Variants in WNK2 observed in about 807,000 individuals in gnomAD.
The protein encoded by WNK2 is serine/threonine-protein kinase WNK2.
A neutral mutation model predicts 192.1 loss-of-function variants in WNK2; 67 were observed. The ratio of observed to expected loss-of-function variants is 0.35; its 90% CI spans 0.29 to 0.43. The LOEUF (loss-of-function observed/expected upper bound fraction) is 0.43, where lower values mean the gene tolerates loss of function less well. Ranked by LOEUF, WNK2 falls within the 20% of genes least tolerant of loss-of-function variation. WNK2 has a pLI of 1.00. For missense variants in WNK2, 2,698 were observed against 3,089.7 expected, an observed-to-expected ratio of 0.87 and a Z score of 3.01; for synonymous variants, 1,439 against 1,393.9, an observed-to-expected ratio of 1.03 and a Z score of -0.72.
chr9:93,317,771 C>T lies in WNK2; in HGVS notation c.6628+140C>T, dbSNP rs1473919174. The stretch of plus-strand genomic sequence containing the variant: ...TGGGGGCACAGGGCAGCTGGAACAC[C>T]CCCCAGGTGCCCGTGCTGCCAGTCT... On this transcript the variant is annotated intron_variant, in intron 29 of 29. Coordinates refer to ENST00000427277, the MANE Select transcript of WNK2 (RefSeq NM_006648.4). 5.5e-6 allele frequency: 8 copies of T among 1,462,740 alleles called. No homozygotes were observed. The South Asian group carries it at 7.8e-5, about 14-fold the overall frequency. The allele number at this position is 1,462,740 out of a possible 1,614,324, so 90.6% of individuals were successfully genotyped here.
intron 4 of WNK2, 46 bp from the exon 5 acceptor site, chr9:93,234,762 G>T: frequency 1.1e-5 from 18 of 1,587,972 alleles, no homozygotes; most frequent in Non-Finnish European, 1.5e-5. Flanking sequence ...AGCTCTTCCT[G>T]GGCCCGTGGC....
At position 93,257,269 on chromosome 9, in the gene WNK2, G is replaced by A; in HGVS notation, c.2382+130G>A. 9.8e-7 allele frequency: 1 copy of A among 1,018,250 alleles called. No individual in the cohort carries two copies. The highest frequency in any genetic ancestry group is 1.4e-6 in the Non-Finnish European group (1 of 711,400). The allele number at this position is 1,018,250 out of a possible 1,614,324, so 63.1% of individuals were successfully genotyped here. A position where few individuals can be genotyped will look rare whatever the true frequency, so the allele number is the denominator to read the frequency against. ...GTGACCTGGGGTTGGGCTGGCCAGG[G>A]AGTTGGGGCTGGGCTGGGGAGTCCG... On this transcript the variant is annotated intron_variant, in intron 11 of 29. Coordinates refer to ENST00000427277, the MANE Select transcript of WNK2 (RefSeq NM_006648.4). The surrounding 1 kb of genome is among the most constrained non-coding windows in gnomAD (Gnocchi z 4.7).
intron 5 of WNK2, among the ~76,000 whole-genome samples, chr9:93,237,489 C>G (rs1158325560): frequency 6.6e-6 from 1 of 152,144 alleles, no homozygotes; most frequent in Non-Finnish European, 1.5e-5. Flanking sequence ...ATCTCGAGTT[C>G]TATTTGGTTC....
At chr9:93,277,998 T>G (rs1207487469) in intron 19 of WNK2, among the ~76,000 whole-genome samples, 2 of 152,210 alleles carry the variant, frequency 1.3e-5, no homozygotes, top group Non-Finnish European at 2.9e-5. Flanking sequence ...GTCTCTAGAT[T>G]TGTTTTCCTT....
intron 2 of WNK2, among the ~76,000 whole-genome samples, chr9:93,208,358 C>A (rs1833769196): frequency 6.6e-6 from 1 of 152,198 alleles, no homozygotes. Context: ...CCACCCACAC[C>A]CTTGTCGCCA....
chr9:93,220,426 C>T (rs1836637217), intron 2 of WNK2, among the ~76,000 whole-genome samples: 3 of 152,208 alleles, frequency 2.0e-5, no homozygotes, highest in African/African-American at 7.2e-5. Context: ...GCAACTCTAC[C>T]TGTCAGCACA....
intron 8 of WNK2, among the ~76,000 whole-genome samples, chr9:93,249,132 G>A (rs1441732071): frequency 6.6e-6 from 1 of 152,162 alleles, no homozygotes; most frequent in Non-Finnish European, 1.5e-5. Flanking sequence ...AAATTAAAGA[G>A]CACAGACTTT....
intron 23 of WNK2, 43 bp downstream of exon 23, chr9:93,293,216 A>G (rs1849656210): frequency 7.1e-7 from 1 of 1,403,546 alleles, no homozygotes. Context: ...CCCCTGGGCC[A>G]TGGCACCCCT....
chr9:93,289,716 G>C (rs1042479922), intron 20 of WNK2, 96 bp downstream of exon 20: 28 of 1,261,378 alleles, frequency 2.2e-5, no homozygotes, highest in Non-Finnish European at 3.0e-5. Flanking sequence ...GCTATGCAGA[G>C]CCGCCCTCAC....
intron 28 of WNK2, chr9:93,317,174 A>G (rs1237154874): frequency 4.9e-6 from 2 of 409,866 alleles, no homozygotes; most frequent in Non-Finnish European, 9.0e-6. Flanking sequence ...CCAGCCAAGC[A>G]GGAGGGCTTT....
chr9:93,270,287 A>G (rs1207976396), intron 19 of WNK2, among the ~76,000 whole-genome samples: 1 of 152,232 alleles, frequency 6.6e-6, no homozygotes, highest in African/African-American at 2.4e-5. Context: ...GCCTTTCTGC[A>G]GGAAGGAATA....
intron 2 of WNK2, among the ~76,000 whole-genome samples, chr9:93,227,665 A>T (rs1838041203): frequency 6.6e-6 from 1 of 152,058 alleles, no homozygotes; most frequent in Non-Finnish European, 1.5e-5. Context: ...ACTTGACTTA[A>T]ATAAATAACC....
rs1243060814 is a variant in WNK2 at position 93,239,206 on chromosome 9, G to GC, written c.1323-544dup. On this transcript the variant is annotated intron_variant, in intron 6 of 29. Coordinates refer to ENST00000427277, the MANE Select transcript of WNK2 (RefSeq NM_006648.4). The surrounding 1 kb of genome is among the most constrained non-coding windows in gnomAD (Gnocchi z 4.2). ...GCCTTCGAGGCTGGGTCTGGCTGGGGCCCCCCCAGTTCTGCAGGTCCTCAC... is the reference window on the plus strand; with the variant it reads ...GCCTTCGAGGCTGGGTCTGGCTGGGGCCCCCCCCAGTTCTGCAGGTCCTCAC... Among the ~76,000 whole-genome samples the GC allele has an allele frequency of 1.3e-5, 2 of 152,112 alleles. No individual in the cohort carries two copies. Among genetic ancestry groups the GC allele is most frequent in the Admixed American group, 6.5e-5 (1 of 15,282 alleles).
chr9:93,229,932 G>A lies in WNK2; in HGVS notation c.854+64G>A, dbSNP rs560934629. 116 of 1,559,138 alleles carry A rather than the reference G, an allele frequency of 7.4e-5. No individual in the cohort carries two copies. The highest frequency in any genetic ancestry group is 1.9e-4 in the Middle Eastern group (1 of 5,250). On this transcript the variant is annotated intron_variant, in intron 3 of 29. Coordinates refer to ENST00000427277, the MANE Select transcript of WNK2 (RefSeq NM_006648.4). This position sits in a 1 kb window ranked among gnomAD's most constrained non-coding sequence, Gnocchi z 4.9. ...ATGGGTGCAGGGCTACCATAGCTGA[G>A]GGTGAGGTCTTGGGCTGCTGGGGTG...
intron 5 of WNK2, among the ~76,000 whole-genome samples, chr9:93,236,591 C>T (rs774665762): frequency 1.5e-4 from 23 of 152,242 alleles, no homozygotes; most frequent in Non-Finnish European, 8.8e-5. Flanking sequence ...TAGCAGATTG[C>T]AAGCAGCACC....
intron 2 of WNK2, among the ~76,000 whole-genome samples, chr9:93,216,683 G>T (rs1428966743): frequency 6.6e-6 from 1 of 151,872 alleles, no homozygotes; most frequent in East Asian, 2.0e-4. Flanking sequence ...GGTATCAGCT[G>T]CTCGGGAGGC....
chr9:93,269,924 G>A (rs1275538242), intron 19 of WNK2, among the ~76,000 whole-genome samples: 1 of 152,234 alleles, frequency 6.6e-6, no homozygotes, highest in Non-Finnish European at 1.5e-5. Flanking sequence ...AAAGTCATCT[G>A]TGTGAAGGCA....
At chr9:93,294,065 A>T (rs1349700886) in intron 23 of WNK2, among the ~76,000 whole-genome samples, 1 of 151,756 alleles carries the variant, frequency 6.6e-6, no homozygotes, top group East Asian at 1.9e-4. Flanking sequence ...GTCCTTCGGG[A>T]TGGGAGGGCT....
intron 7 of WNK2, among the ~76,000 whole-genome samples, chr9:93,243,149 T>C (rs1232220505): frequency 1.3e-5 from 2 of 152,160 alleles, no homozygotes; most frequent in East Asian, 3.9e-4. Context: ...CCTCGTGGGC[T>C]CCTTGCCTGT....
Sources: gnomAD v4.1 joint callset for allele counts (sites outside exome capture counted in the v4.1 genomes callset) on GRCh38, gnomAD v4.1.1 for gene constraint, Gnocchi (gnomAD v3.1) non-coding constraint, MANE v1.5 for transcripts, NCBI Gene and HGNC (gene_info 2026-07-23, HGNC 2026-07-21) for gene names.